TYR: variants seen among roughly 807,000 people sequenced by gnomAD.
The protein encoded by TYR is tyrosinase.
TYR carries 58 observed loss-of-function variants against 51.5 expected under a neutral mutation model. That is an observed-to-expected ratio of 1.13 (90% CI 0.91 to 1.40). The LOEUF (loss-of-function observed/expected upper bound fraction) is 1.40, where lower values mean the gene tolerates loss of function less well. Among genes scored for constraint, TYR ranks in the 40% most tolerant of loss-of-function variants. The probability of loss-of-function intolerance (pLI) is 0.00; values close to 1 mark genes in which losing one functional copy is unlikely to be tolerated. For missense variants in TYR, 732 were observed against 647.4 expected (o/e 1.13, Z -1.42); for synonymous variants, 263 against 235.2 (o/e 1.12, Z -1.08).
At chr11:89,245,223 A>G (rs1025396817) in intron 3 of TYR, among the ~76,000 whole-genome samples, 11 of 152,248 alleles carry the variant, frequency 7.2e-5, no homozygotes, top group Non-Finnish European at 1.0e-4. Context: ...ACTTCAGAAA[A>G]GTCAATAGTT....
intron 3 of TYR, among the ~76,000 whole-genome samples, chr11:89,284,296 T>C (rs573887065): frequency 5.9e-5 from 9 of 151,834 alleles, no homozygotes; most frequent in Non-Finnish European, 1.3e-4. Context: ...TCAAGACTCA[T>C]TAAGCCCACA....
intron 3 of TYR, among the ~76,000 whole-genome samples, chr11:89,260,738 G>A (rs1944447558): frequency 6.6e-6 from 1 of 152,100 alleles, no homozygotes; most frequent in African/African-American, 2.4e-5. Flanking sequence ...ATAAATCCAG[G>A]TTGGTGGGCA....
intron 3 of TYR, among the ~76,000 whole-genome samples, chr11:89,234,747 T>TA (rs1944089424): frequency 9.4e-6 from 1 of 106,034 alleles, no homozygotes; most frequent in Admixed American, 8.9e-5. Context: ...CTTTTTAACA[T>TA]TGGCACTGTT....
chr11:89,185,148 G>A (rs947000648), intron 1 of TYR, among the ~76,000 whole-genome samples: 5 of 151,992 alleles, frequency 3.3e-5, no homozygotes, highest in African/African-American at 7.2e-5. Context: ...TTTATATCCC[G>A]TTAGCCTTTT....
rs61754367 is a variant in TYR, at chr11:89,178,660, G to A, written c.707G>A (p.Trp236Ter). The A allele has an allele frequency of 6.2e-7, 1 of 1,613,454 alleles. No homozygotes were observed. The highest frequency in any genetic ancestry group is 1.3e-5 in the African/African-American group (1 of 74,904). The change falls in exon 1 of 5, where the codon TGG becomes TAG. Residue 236 changes from tryptophan (W) to a stop codon, truncating the protein, a stop_gained. Coordinates refer to ENST00000263321, the MANE Select transcript of TYR (RefSeq NM_000372.5). LOFTEE classifies it high-confidence loss of function. ...GATGAAAACTTCACTATTCCATATTGGGACTGGCGGGATGCAGAAAAGTGT... is the reference window on the plus strand; with the variant it reads ...GATGAAAACTTCACTATTCCATATTAGGACTGGCGGGATGCAGAAAAGTGT... ...TGDENFTIPY[W>*]DWRDAEKCDI... is the part of the protein sequence containing the mutation.
intron 3 of TYR, among the ~76,000 whole-genome samples, chr11:89,247,684 G>A (rs1944283610): frequency 6.6e-6 from 1 of 152,222 alleles, no homozygotes; most frequent in African/African-American, 2.4e-5. Context: ...AGGAAATTGG[G>A]GCCCAGAGAA....
intron 3 of TYR, among the ~76,000 whole-genome samples, chr11:89,280,698 T>G (rs977454970): frequency 1.3e-5 from 2 of 151,626 alleles, no homozygotes; most frequent in African/African-American, 4.8e-5. Flanking sequence ...TTGCTTTATC[T>G]CTTCAGATTT....
At chr11:89,273,893 A>G (rs1033504223) in intron 3 of TYR, among the ~76,000 whole-genome samples, 3 of 151,824 alleles carry the variant, frequency 2.0e-5, no homozygotes, top group Admixed American at 2.0e-4. Context: ...ATCCCTGCCC[A>G]TGCTCAAATT....
chr11:89,194,650 T>TTCTATCTATCTATCTATCTA lies in TYR; in HGVS notation c.1036+3247_1036+3266dup, dbSNP rs34029150. On this transcript the variant is annotated intron_variant, in intron 2 of 4. Transcript: ENST00000263321. ...ACTATTAGCAAAAATCCTCCATTTT[T>TTCTATCTATCTATCTATCTA]TCTATCTATCTATCTATCTATCTAT... Among the ~76,000 whole-genome samples the TTCTATCTATCTATCTATCTA allele has an allele frequency of 1.0e-4, 15 of 150,494 alleles. 1 individual carries two copies. Among genetic ancestry groups the TTCTATCTATCTATCTATCTA allele is most frequent in the African/African-American group, 2.5e-4 (10 of 40,682 alleles).
chr11:89,253,308 A>T (rs1487183843), intron 3 of TYR, among the ~76,000 whole-genome samples: 2 of 151,634 alleles, frequency 1.3e-5, no homozygotes, highest in Non-Finnish European at 3.0e-5. Flanking sequence ...GTTTTTATTG[A>T]GGTATTTATT....
intron 2 of TYR, among the ~76,000 whole-genome samples, chr11:89,218,521 C>G (rs1943865190): frequency 6.6e-6 from 1 of 151,874 alleles, no homozygotes; most frequent in Non-Finnish European, 1.5e-5. Context: ...CTGATATCAC[C>G]AAGAATGAGC....
At chr11:89,196,819 A>G (rs1159094756) in intron 2 of TYR, among the ~76,000 whole-genome samples, 2 of 152,176 alleles carry the variant, frequency 1.3e-5, no homozygotes, top group Non-Finnish European at 2.9e-5. Flanking sequence ...AAGGGAAAAC[A>G]TGAAGTTCTT....
intron 3 of TYR, among the ~76,000 whole-genome samples, chr11:89,249,760 T>C (rs1031752318): frequency 6.6e-6 from 1 of 151,994 alleles, no homozygotes; most frequent in African/African-American, 2.4e-5. Context: ...AGAGAGGATA[T>C]GTATTAGAGA....
intron 2 of TYR, among the ~76,000 whole-genome samples, chr11:89,202,503 A>T (rs1323433789): frequency 1.3e-5 from 2 of 152,046 alleles, no homozygotes; most frequent in African/African-American, 4.8e-5. Context: ...ACATATATTG[A>T]TTCCAGATGT....
intron 1 of TYR, among the ~76,000 whole-genome samples, chr11:89,179,090 T>C (rs1943267965): frequency 6.6e-6 from 1 of 152,182 alleles, no homozygotes; most frequent in Non-Finnish European, 1.5e-5. Context: ...ATTTTGTGAA[T>C]TGAATAAATG....
intron 2 of TYR, among the ~76,000 whole-genome samples, chr11:89,209,732 C>T (rs1943726131): frequency 6.6e-6 from 1 of 152,114 alleles, no homozygotes; most frequent in Admixed American, 6.5e-5. Context: ...CTCATACAGG[C>T]AGGTGCCCCT....
chr11:89,231,281 C>G (rs1944046187), intron 3 of TYR, among the ~76,000 whole-genome samples: 1 of 150,190 alleles, frequency 6.7e-6, no homozygotes, highest in South Asian at 2.1e-4. Context: ...AAAAATAAAA[C>G]TATCATATGA....
At chr11:89,227,787 G>T in intron 2 of TYR, 36 bp from the exon 3 acceptor site, 1 of 1,588,728 alleles carries the variant, frequency 6.3e-7, no homozygotes, top group Non-Finnish European at 8.6e-7. Context: ...AGTCATTAAA[G>T]TAAACATATT....
intron 1 of TYR, among the ~76,000 whole-genome samples, chr11:89,190,511 G>A (rs1444340245): frequency 6.6e-6 from 1 of 152,116 alleles, no homozygotes; most frequent in Non-Finnish European, 1.5e-5. Flanking sequence ...TGTACAATAT[G>A]TGTTTTAAGC....
Sources: gnomAD v4.1 joint callset for allele counts (sites outside exome capture counted in the v4.1 genomes callset) on GRCh38, gnomAD v4.1.1 for gene constraint, MANE v1.5 for transcripts, NCBI Gene and HGNC (gene_info 2026-07-23, HGNC 2026-07-21) for gene names.